The following APLF variants were observed in gnomAD, a reference collection of about 807,000 sequenced individuals.
The protein encoded by APLF is aprataxin and PNKP like factor.
In APLF, 61 loss-of-function variants were observed where a neutral mutation model predicts 55.6. The observed-to-expected ratio is 1.10, with a 90% CI of 0.89 to 1.36. The LOEUF is 1.36. APLF is among the 40% of genes most tolerant of loss of function. APLF has a pLI of 0.00. For missense variants in APLF, 611 were observed against 602.5 expected, an observed-to-expected ratio of 1.01 and a Z score of -0.15; for synonymous variants, 207 against 214.8, an observed-to-expected ratio of 0.96 and a Z score of 0.32.
chr2:68,493,654 T>A (rs1676437442), intron 2 of APLF, among the ~76,000 whole-genome samples: 1 of 152,258 alleles, frequency 6.6e-6, no homozygotes, highest in South Asian at 2.1e-4. Flanking sequence ...TACCTGAGAC[T>A]GGGTAATTTA....
chr2:68,518,414 T>TATTATATATATATTAATATATAACAATA (rs1558539428), intron 5 of APLF, among the ~76,000 whole-genome samples: 7 of 111,068 alleles, frequency 6.3e-5, no homozygotes, highest in African/African-American at 2.3e-4. Flanking sequence ...ATATTATATA[T>TATTATATATATATTAATATATAACAATA]TATATAATAA....
chr2:68,494,061 C>T lies in APLF; in HGVS notation c.168+3800C>T, dbSNP rs374565709. 5.3e-4 allele frequency among the ~76,000 whole-genome samples: 79 copies of T among 149,162 alleles called. No individual in the cohort carries two copies. The East Asian group carries it at 9.0e-3, about 17-fold the overall frequency. On this transcript the variant is annotated intron_variant, in intron 2 of 9. Transcript: ENST00000303795. The stretch of plus-strand genomic sequence containing the variant: ...AGGCGGAGCTTGCAGTGAGCTGAGA[C>T]CACACCACTGCACTCTAGCCTGGGT...
intron 5 of APLF, among the ~76,000 whole-genome samples, chr2:68,517,434 T>C (rs980963624): frequency 9.8e-5 from 13 of 132,102 alleles, no homozygotes; most frequent in Admixed American, 5.5e-4. Context: ...TATTAATATA[T>C]CTATATATGT....
chr2:68,572,087 A>AGGCTTAGTGGGATTTAC (rs571023879), intron 9 of APLF, among the ~76,000 whole-genome samples: 7,631 of 152,226 alleles, frequency 0.05, 521 homozygotes, highest in African/African-American at 0.15. Context: ...AAAGATCCAG[A>AGGCTTAGTGGGATTTAC]AAGAAAACTA....
At chr2:68,492,899 G>A (rs1405031199) in intron 2 of APLF, among the ~76,000 whole-genome samples, 1 of 152,154 alleles carries the variant, frequency 6.6e-6, no homozygotes, top group Non-Finnish European at 1.5e-5. Flanking sequence ...TAAATGTGAT[G>A]TTTAGACATG....
rs116494957 is a variant in APLF, at chr2:68,489,132, G to A, written c.97-1058G>A. ...AATTCATTCATGTGATACTCATTCC[G>A]ATGCTTGATATTACTGTCTATATGT... is the stretch of plus-strand genomic sequence containing the variant. On this transcript the variant is annotated intron_variant, in intron 1 of 9. Coordinates refer to ENST00000303795, the MANE Select transcript of APLF (RefSeq NM_173545.3). 4.3e-3 allele frequency among the ~76,000 whole-genome samples: 661 copies of A among 152,238 alleles called. 1 individual carries two copies. Among genetic ancestry groups the A allele is most frequent in the Non-Finnish European group, 6.9e-3 (470 of 68,014 alleles).
chr2:68,518,715 A>AATAT (rs1425643074), intron 5 of APLF, among the ~76,000 whole-genome samples: 1 of 123,218 alleles, frequency 8.1e-6, no homozygotes, highest in Non-Finnish European at 1.6e-5. Flanking sequence ...AATATACAAT[A>AATAT]ATATATCATT....
chr2:68,502,823 C>A lies in APLF; in HGVS notation c.261C>A (p.Asp87Glu). The A allele has an allele frequency of 6.2e-7, 1 of 1,607,470 alleles. No individual in the cohort carries two copies. Among genetic ancestry groups the A allele is most frequent in the Non-Finnish European group, 8.5e-7 (1 of 1,177,770 alleles). Residue 87 changes from aspartate (D) to glutamate (E), a missense_variant, in exon 3 of 10, where the codon GAC (aspartate) becomes GAA (glutamate). Asp to Glu is a conservative substitution (Grantham distance 45, BLOSUM62 2). Coordinates refer to ENST00000303795, the MANE Select transcript of APLF (RefSeq NM_173545.3). Reference sequence around the variant, plus strand: ...TATGGTGCTATTTGAATCCTGGAGACAGCTTTTCTTTGTTAGTTGACAAAT... The same window carrying A: ...TATGGTGCTATTTGAATCCTGGAGAAAGCTTTTCTTTGTTAGTTGACAAAT... ...PNLWCYLNPG[D>E]SFSLLVDKYI... is the part of the protein sequence containing the mutation.
At chr2:68,550,481 C>T (rs575676384) in intron 8 of APLF, among the ~76,000 whole-genome samples, 1 of 152,308 alleles carries the variant, frequency 6.6e-6, no homozygotes, top group South Asian at 2.1e-4. Flanking sequence ...ATCTGCCCAC[C>T]TCAGCCTCCC....
At position 68,491,754 on chromosome 2, in the gene APLF, A is replaced by T. The variant is rs202076210; in HGVS notation, c.168+1493A>T. 9.2e-5 allele frequency among the ~76,000 whole-genome samples: 14 copies of T among 152,266 alleles called. No homozygotes were observed. The East Asian group carries it at 1.9e-3, about 21-fold the overall frequency. Reference sequence around the variant, plus strand: ...ATAGTGTACATTGTACCCATTAGGTAATTTCTCAACCCTGTCCCACCTCTC... The same window carrying T: ...ATAGTGTACATTGTACCCATTAGGTTATTTCTCAACCCTGTCCCACCTCTC... On this transcript the variant is annotated intron_variant, in intron 2 of 9. Transcript: ENST00000303795.
At chr2:68,535,183 TA>T in intron 6 of APLF, 1 of 292,952 alleles carries the variant, frequency 3.4e-6, no homozygotes. Context: ...AACTCTTCTC[TA>T]ATTCATGGAA....
intron 6 of APLF, among the ~76,000 whole-genome samples, chr2:68,532,885 T>G (rs558054246): frequency 3.3e-5 from 5 of 152,246 alleles, no homozygotes; most frequent in African/African-American, 1.2e-4. Flanking sequence ...GGAGGCTGTT[T>G]AGGTTATGAG....
chr2:68,542,625 G>A (rs1670588294), intron 7 of APLF, among the ~76,000 whole-genome samples: 1 of 152,110 alleles, frequency 6.6e-6, no homozygotes, highest in Admixed American at 6.6e-5. Flanking sequence ...TATTAGGGTG[G>A]CTGCTTTCAA....
rs568268529 is a variant in APLF, at chr2:68,467,819, C to T, written c.88C>T (p.Leu30=). ...GGAGACGGTGATCGGCCGCGGGCCG[C>T]TGCTGGGAGTAAGTGTGGGCGGGGG... The part of the protein sequence containing the change: ...PGETVIGRGP[L]LGITDKRVSR... The change falls in exon 1 of 10, where the codon CTG becomes TTG. Residue 30 remains leucine, a synonymous_variant. Coordinates refer to ENST00000303795, the MANE Select transcript of APLF (RefSeq NM_173545.3). 167 of 1,233,144 alleles carry T rather than the reference C, an allele frequency of 1.4e-4. 1 individual carries two copies. The African/African-American group carries it at 2.4e-3, about 18-fold the overall frequency. The allele number at this position is 1,233,144 out of a possible 1,614,324, so 76.4% of individuals were successfully genotyped here. A position where few individuals can be genotyped will look rare whatever the true frequency, so the allele number is the denominator to read the frequency against.
Position 68,578,899 on chromosome 2 carries a change from GA to G in APLF, c.*880del. ...AGATTCTGGCCTCCCATATCAAGAAGAAACCACTTATTCTCCAGTTTTACAA... is the reference window on the plus strand; with the variant it reads ...AGATTCTGGCCTCCCATATCAAGAAGAACCACTTATTCTCCAGTTTTACAA... On this transcript the variant is annotated 3_prime_UTR_variant, in exon 10 of 10. Coordinates refer to ENST00000303795, the MANE Select transcript of APLF (RefSeq NM_173545.3). The G allele has an allele frequency of 1.0e-6, 1 of 985,250 alleles. No individual in the cohort carries two copies. Among genetic ancestry groups the G allele is most frequent in the Non-Finnish European group, 1.2e-6 (1 of 829,844 alleles). 61.0% of individuals were successfully genotyped at this position (985,250 alleles called of 1,614,324 possible).
At chr2:68,549,537 G>A (rs983621150) in intron 8 of APLF, among the ~76,000 whole-genome samples, 3 of 151,932 alleles carry the variant, frequency 2.0e-5, no homozygotes, top group Non-Finnish European at 4.4e-5. Flanking sequence ...TAAATCTTTG[G>A]AAATTTATTG....
rs905715116 is a variant in APLF, at chr2:68,480,745, G to T, written c.97-9445G>T. ...TTCCCCTTTCTGTATGATGTTAGCT[G>T]TGGGTTTGTCACATATGCCCTTTAT... On this transcript the variant is annotated intron_variant, in intron 1 of 9. Transcript: ENST00000303795. Among the ~76,000 whole-genome samples the T allele has an allele frequency of 1.2e-4, 18 of 152,128 alleles. 1 individual carries two copies. Among genetic ancestry groups the T allele is most frequent in the African/African-American group, 4.1e-4 (17 of 41,428 alleles).
chr2:68,557,594 C>T (rs1224882482), intron 8 of APLF, among the ~76,000 whole-genome samples: 3 of 152,246 alleles, frequency 2.0e-5, no homozygotes, highest in African/African-American at 7.2e-5. Context: ...TCATGTGATG[C>T]TATCAATCTA....
intron 2 of APLF, among the ~76,000 whole-genome samples, chr2:68,497,508 A>G (rs912846257): frequency 1.3e-5 from 2 of 151,644 alleles, no homozygotes; most frequent in East Asian, 3.9e-4. Context: ...GCCTTCCACC[A>G]TGATTGAAAG....
Sources: gnomAD v4.1 joint callset for allele counts (sites outside exome capture counted in the v4.1 genomes callset) on GRCh38, gnomAD v4.1.1 for gene constraint, MANE v1.5 for transcripts, NCBI Gene and HGNC (gene_info 2026-07-23, HGNC 2026-07-21) for gene names.